Variants in ZC3H12B observed in about 807,000 individuals in gnomAD.
ZC3H12B encodes zinc finger CCCH-type containing 12B.
Under a neutral mutation model 43.9 loss-of-function variants are expected in ZC3H12B, and 7 were observed. The ratio of observed to expected loss-of-function variants is 0.16; its 90% CI spans 0.09 to 0.30. ZC3H12B has a LOEUF of 0.30. Among genes scored for constraint, ZC3H12B ranks in the 10% least tolerant of loss-of-function variants. The pLI is 1.00. For synonymous variants in ZC3H12B, 222 were observed against 241.7 expected (o/e 0.92, Z 0.76); for missense variants, 475 against 670.2 (o/e 0.71, Z 3.22).
At chrX:65,201,069 G>A in the ZC3H12B span, among the ~76,000 whole-genome samples, 1 of 111,877 alleles carries the variant, frequency 8.9e-6, no homozygotes, top group African/African-American at 3.3e-5. Flanking sequence ...GAGTAAGGGG[G>A]GAGTCCCTTT....
At chrX:65,397,060 A>T (rs1387080179) in intron 2 of ZC3H12B, among the ~76,000 whole-genome samples, 1 of 111,198 alleles carries the variant, frequency 9.0e-6, no homozygotes, top group East Asian at 2.8e-4. Flanking sequence ...CTTGGTAAAT[A>T]TTCCTCCATT....
the ZC3H12B span, among the ~76,000 whole-genome samples, chrX:65,176,288 G>T: frequency 1.8e-5 from 2 of 111,773 alleles, no homozygotes; most frequent in African/African-American, 6.5e-5. Context: ...ATCGAACTGG[G>T]TGGAGCACAC....
chrX:65,214,154 T>G, the ZC3H12B span, among the ~76,000 whole-genome samples: 1 of 111,280 alleles, frequency 9.0e-6, no homozygotes, highest in African/African-American at 3.3e-5. Flanking sequence ...CCATCCTCAG[T>G]GTTAATGGCT....
At chrX:65,379,604 A>G (rs992791530) in intron 2 of ZC3H12B, among the ~76,000 whole-genome samples, 13 of 112,792 alleles carry the variant, frequency 1.2e-4, no homozygotes, top group African/African-American at 3.5e-4. Flanking sequence ...AAAGCTGGAC[A>G]GAGAATGACT....
chrX:65,150,921 T>C, the ZC3H12B span, among the ~76,000 whole-genome samples: 1 of 111,658 alleles, frequency 9.0e-6, no homozygotes, highest in South Asian at 3.7e-4. Context: ...CCTAGTTGTT[T>C]CTAATGATAA....
At chrX:65,336,596 C>T in the ZC3H12B span, among the ~76,000 whole-genome samples, 2 of 112,084 alleles carry the variant, frequency 1.8e-5, no homozygotes. Context: ...GGAGTTTCAA[C>T]ATGTGTTCTC....
At chrX:65,119,041 A>C in the ZC3H12B span, among the ~76,000 whole-genome samples, 1 of 110,304 alleles carries the variant, frequency 9.1e-6, no homozygotes, top group Non-Finnish European at 1.9e-5. Flanking sequence ...TCTTAATCCA[A>C]TCTATCATTG....
At chrX:65,416,721 G>A (rs747609346) in intron 3 of ZC3H12B, among the ~76,000 whole-genome samples, 13 of 108,338 alleles carry the variant, frequency 1.2e-4, no homozygotes, top group Admixed American at 3.9e-4. Flanking sequence ...ACCGGAAGGC[G>A]GAGCTTGCAG....
chrX:65,294,843 A>G, the ZC3H12B span, among the ~76,000 whole-genome samples: 1 of 111,435 alleles, frequency 9.0e-6, no homozygotes, highest in Admixed American at 9.6e-5. Context: ...GAGCTTTCAA[A>G]TCTACAAAAC....
chrX:65,332,958 C>CT, the ZC3H12B span, among the ~76,000 whole-genome samples: 1 of 111,670 alleles, frequency 9.0e-6, no homozygotes, highest in Non-Finnish European at 1.9e-5. Context: ...CACATAAGCT[C>CT]TTTTTAAATT....
At chrX:65,331,829 G>A in the ZC3H12B span, among the ~76,000 whole-genome samples, 1 of 111,241 alleles carries the variant, frequency 9.0e-6, no homozygotes, top group African/African-American at 3.3e-5. Context: ...ATGTTGCCAC[G>A]GCATTTGTAA....
chrX:65,245,477 A>G, the ZC3H12B span, among the ~76,000 whole-genome samples: 261 of 112,213 alleles, frequency 2.3e-3, no homozygotes, highest in African/African-American at 8.0e-3. Flanking sequence ...GCAGCATATC[A>G]AAAAGCTTAT....
chrX:65,368,687 T>C (rs1027400925), intron 1 of ZC3H12B, 142 bp from the exon 4 acceptor site: 9 of 112,001 alleles, frequency 8.0e-5, no homozygotes, highest in African/African-American at 2.9e-4. Context: ...TTAGCACAAT[T>C]ATCTCAGCCT....
At chrX:65,188,946 C>G in the ZC3H12B span, among the ~76,000 whole-genome samples, 1 of 69,701 alleles carries the variant, frequency 1.4e-5, no homozygotes, top group Non-Finnish European at 2.6e-5. Context: ...TCCCTCCCCC[C>G]TCCCCCCACC....
the ZC3H12B span, among the ~76,000 whole-genome samples, chrX:65,106,386 ATGACT>A: frequency 7.3e-4 from 82 of 111,799 alleles, no homozygotes; most frequent in Admixed American, 7.8e-3. Context: ...AAATATGGAC[ATGACT>A]TGGTCAGACT....
the ZC3H12B span, among the ~76,000 whole-genome samples, chrX:65,354,789 A>G: frequency 1.8e-5 from 2 of 112,273 alleles, no homozygotes; most frequent in Non-Finnish European, 1.9e-5. Flanking sequence ...GAGCTGAAAA[A>G]CACAGCACAA....
the ZC3H12B span, among the ~76,000 whole-genome samples, chrX:65,212,303 T>A: frequency 0.078 from 3,717 of 47,685 alleles, 666 homozygotes; most frequent in African/African-American, 0.36. Flanking sequence ...TTATATAATA[T>A]ATAATATAAT....
At chrX:65,085,361 C>T in the ZC3H12B span, among the ~76,000 whole-genome samples, 1 of 111,212 alleles carries the variant, frequency 9.0e-6, no homozygotes, top group Admixed American at 9.6e-5. Context: ...TGTTTCAAAA[C>T]ATCTCATTTA....
At chrX:65,149,558 C>T in the ZC3H12B span, among the ~76,000 whole-genome samples, 1 of 109,508 alleles carries the variant, frequency 9.1e-6, no homozygotes, top group Non-Finnish European at 1.9e-5. Context: ...GAGGTCAGAT[C>T]AAGACCATCC....
Sources: gnomAD v4.1 joint callset for allele counts (sites outside exome capture counted in the v4.1 genomes callset) on GRCh38, gnomAD v4.1.1 for gene constraint, MANE v1.5 for transcripts, NCBI Gene and HGNC (gene_info 2026-07-23, HGNC 2026-07-21) for gene names.